DNAJC6: variants seen among roughly 807,000 people sequenced by gnomAD.
DNAJC6 encodes auxilin.
In DNAJC6, 34 loss-of-function variants were observed where a neutral mutation model predicts 110.0. The ratio of observed to expected loss-of-function variants is 0.31; its 90% CI spans 0.24 to 0.41. The LOEUF is 0.41. DNAJC6 is among the 10% of genes least tolerant of loss of function. The pLI, the probability that DNAJC6 is intolerant of heterozygous loss-of-function variation, is 1.00. For synonymous variants in DNAJC6, 406 were observed against 437.2 expected (o/e 0.93, Z 0.89); for missense variants, 1,031 against 1,207.8 (o/e 0.85, Z 2.17).
At chr1:65,274,182 A>G (rs1263759854) in intron 1 of DNAJC6, among the ~76,000 whole-genome samples, 1 of 152,120 alleles carries the variant, frequency 6.6e-6, no homozygotes, top group Non-Finnish European at 1.5e-5. Context: ...CTTCATTATG[A>G]AATGTCTTTC....
chr1:65,386,523 A>G (rs986858215), intron 7 of DNAJC6, among the ~76,000 whole-genome samples: 10 of 152,192 alleles, frequency 6.6e-5, no homozygotes, highest in Admixed American at 3.9e-4. Context: ...AGGCAAATAC[A>G]TGGGGGCTAG....
At chr1:65,389,945 C>T (rs1053187446) in intron 11 of DNAJC6, among the ~76,000 whole-genome samples, 1 of 152,088 alleles carries the variant, frequency 6.6e-6, no homozygotes, top group African/African-American at 2.4e-5. Flanking sequence ...CCCAGGAGTT[C>T]AAGGTTGCAG....
chr1:65,339,529 A>G (rs1305274063), intron 1 of DNAJC6, among the ~76,000 whole-genome samples: 1 of 152,194 alleles, frequency 6.6e-6, no homozygotes, highest in Non-Finnish European at 1.5e-5. Flanking sequence ...CTCAAATCTT[A>G]GCTGATTTTA....
In DNAJC6 at chr1:65,401,873, G is replaced by A. The variant is rs1361112372; in HGVS notation, c.2220G>A (p.Gly740=). 1 of 1,613,414 alleles carries A rather than the reference G, an allele frequency of 6.2e-7. No homozygotes were observed. Among genetic ancestry groups the A allele is most frequent in the South Asian group, 1.1e-5 (1 of 90,954 alleles). Residue 740 remains glycine, a synonymous_variant, in exon 15 of 19, where the codon GGG becomes GGA. Coordinates refer to ENST00000371069, the MANE Select transcript of DNAJC6 (RefSeq NM_001256864.2). ...CTCTGGATCCTTTTGCCGACCTTGG[G>A]ACACTAGGTACAAACTCAGAAGATC... ...PQTLDPFADL[G]TLGSSSFASK... is the part of the protein sequence containing the mutation.
chr1:65,363,045 G>A (rs1354358116), intron 1 of DNAJC6, among the ~76,000 whole-genome samples: 4 of 152,170 alleles, frequency 2.6e-5, no homozygotes, highest in Admixed American at 1.3e-4. Flanking sequence ...TGAAGGGGAA[G>A]CAAGTCACAT....
chr1:65,382,280 C>G (rs77639003), intron 5 of DNAJC6, among the ~76,000 whole-genome samples: 4,104 of 152,206 alleles, frequency 0.027, 77 homozygotes, highest in Non-Finnish European at 0.043. Flanking sequence ...TTAGTTTTTT[C>G]TAGTCAAGAT....
chr1:65,302,984 C>G (rs951712736), intron 1 of DNAJC6, among the ~76,000 whole-genome samples: 1 of 152,160 alleles, frequency 6.6e-6, no homozygotes, highest in South Asian at 2.1e-4. Flanking sequence ...TTGTGAATTA[C>G]CCAGTCTCCT....
At position 65,346,918 on chromosome 1, in the gene DNAJC6, C is replaced by A. The variant is rs145138495; in HGVS notation, c.194-17717C>A. Among the ~76,000 whole-genome samples the A allele has an allele frequency of 3.7e-3, 564 of 152,222 alleles. 5 individuals carry two copies. Among genetic ancestry groups the A allele is most frequent in the South Asian group, 0.024 (117 of 4,820 alleles). On this transcript the variant is annotated intron_variant, in intron 1 of 18. Coordinates refer to ENST00000371069, the MANE Select transcript of DNAJC6 (RefSeq NM_001256864.2). ...CTTCAACACCACCCCCGCTCCACCACCCCTGCCTGCCACACACACACAGAC... is the reference window on the plus strand; with the variant it reads ...CTTCAACACCACCCCCGCTCCACCAACCCTGCCTGCCACACACACACAGAC...
At chr1:65,315,021 C>T (rs1036448635) in intron 1 of DNAJC6, among the ~76,000 whole-genome samples, 2 of 152,250 alleles carry the variant, frequency 1.3e-5, no homozygotes, top group African/African-American at 2.4e-5. Context: ...GCTTTAGCTA[C>T]TGGGGCAGTG....
intron 1 of DNAJC6, among the ~76,000 whole-genome samples, chr1:65,302,568 G>A (rs1185462421): frequency 5.2e-5 from 6 of 115,478 alleles, no homozygotes; most frequent in African/African-American, 1.0e-4. Context: ...TCGCTCTGTC[G>A]CCCAGGCCGG....
intron 1 of DNAJC6, among the ~76,000 whole-genome samples, chr1:65,312,654 A>T (rs1174640817): frequency 6.6e-6 from 1 of 152,218 alleles, no homozygotes; most frequent in African/African-American, 2.4e-5. Context: ...TTAAACTTGT[A>T]AGACTGTTTA....
chr1:65,360,113 C>T (rs1024556463), intron 1 of DNAJC6, among the ~76,000 whole-genome samples: 2 of 152,188 alleles, frequency 1.3e-5, no homozygotes, highest in African/African-American at 4.8e-5. Context: ...TGAAACCTCT[C>T]TGCCCTTTCT....
At chr1:65,366,474 C>T (rs1645647654) in intron 4 of DNAJC6, among the ~76,000 whole-genome samples, 1 of 152,242 alleles carries the variant, frequency 6.6e-6, no homozygotes, top group Middle Eastern at 3.4e-3. Flanking sequence ...GCACAGTGTT[C>T]ATGAGGCTTA....
At chr1:65,276,113 C>T (rs1209437112) in intron 1 of DNAJC6, among the ~76,000 whole-genome samples, 1 of 152,150 alleles carries the variant, frequency 6.6e-6, no homozygotes, top group East Asian at 1.9e-4. Context: ...AACTCCTGGC[C>T]TGAAGTGATC....
chr1:65,274,584 T>G (rs899395579), intron 1 of DNAJC6, among the ~76,000 whole-genome samples: 3 of 152,240 alleles, frequency 2.0e-5, no homozygotes, highest in Admixed American at 6.5e-5. Flanking sequence ...CCCAAAGTGC[T>G]GGGATTACAG....
At chr1:65,330,845 T>C (rs1645282496) in intron 1 of DNAJC6, among the ~76,000 whole-genome samples, 1 of 152,234 alleles carries the variant, frequency 6.6e-6, no homozygotes, top group South Asian at 2.1e-4. Flanking sequence ...GCCAAGCTGC[T>C]TCTATCATGC....
chr1:65,337,473 A>G (rs1645348743), intron 1 of DNAJC6, among the ~76,000 whole-genome samples: 1 of 152,042 alleles, frequency 6.6e-6, no homozygotes, highest in Non-Finnish European at 1.5e-5. Context: ...TCTGAGGGTG[A>G]CTTATGAAGC....
chr1:65,400,235 C>A (rs1252726017), intron 14 of DNAJC6, among the ~76,000 whole-genome samples: 1 of 152,134 alleles, frequency 6.6e-6, no homozygotes, highest in Non-Finnish European at 1.5e-5. Context: ...TTGTCGTGTA[C>A]AATATGATGT....
At chr1:65,412,658 C>T (rs1646138977) in intron 18 of DNAJC6, among the ~76,000 whole-genome samples, 1 of 152,138 alleles carries the variant, frequency 6.6e-6, no homozygotes, top group South Asian at 2.1e-4. Context: ...GTCTGGAGAA[C>T]AGAGATACGT....
Sources: gnomAD v4.1 joint callset for allele counts (sites outside exome capture counted in the v4.1 genomes callset) on GRCh38, gnomAD v4.1.1 for gene constraint, MANE v1.5 for transcripts, NCBI Gene and HGNC (gene_info 2026-07-23, HGNC 2026-07-21) for gene names.